The following TNRC6B variants were observed in gnomAD, a reference collection of about 807,000 sequenced individuals.
TNRC6B encodes the protein trinucleotide repeat containing adaptor 6B.
A neutral mutation model predicts 203.6 loss-of-function variants in TNRC6B; 52 were observed. That is an observed-to-expected ratio of 0.26 (90% CI 0.20 to 0.32). TNRC6B has a LOEUF of 0.32. Ranked by LOEUF, TNRC6B falls within the 10% of genes least tolerant of loss-of-function variation. The probability of loss-of-function intolerance (pLI) is 1.00; values close to 1 mark genes in which losing one functional copy is unlikely to be tolerated. For missense variants in TNRC6B, 1,923 were observed against 2,286.2 expected (o/e 0.84, Z 3.24); for synonymous variants, 838 against 845.7 (o/e 0.99, Z 0.16).
chr22:40,269,625 G>A (rs1228641354), intron 5 of TNRC6B, among the ~76,000 whole-genome samples: 1 of 152,068 alleles, frequency 6.6e-6, no homozygotes, highest in Non-Finnish European at 1.5e-5. Context: ...GCTCATGCCT[G>A]TAATCCCAGC....
At chr22:40,313,841 A>G (rs1418670627) in intron 19 of TNRC6B, among the ~76,000 whole-genome samples, 1 of 152,144 alleles carries the variant, frequency 6.6e-6, no homozygotes, top group Non-Finnish European at 1.5e-5. Context: ...GTTAATTTTT[A>G]TTTTACCTTC....
At chr22:40,288,550 T>A (rs956287660) in intron 12 of TNRC6B, among the ~76,000 whole-genome samples, 1 of 151,832 alleles carries the variant, frequency 6.6e-6, no homozygotes, top group Non-Finnish European at 1.5e-5. Context: ...ACAAATTTTT[T>A]TTTTTTTTTT....
intron 1 of TNRC6B, among the ~76,000 whole-genome samples, chr22:40,054,276 C>T (rs2067774641): frequency 6.6e-6 from 1 of 152,170 alleles, no homozygotes; most frequent in Non-Finnish European, 1.5e-5. Context: ...CTTGTTCTTG[C>T]CTTTTTCACT....
intron 1 of TNRC6B, among the ~76,000 whole-genome samples, chr22:40,229,111 G>T (rs964664642): frequency 6.6e-6 from 1 of 152,182 alleles, no homozygotes; most frequent in Non-Finnish European, 1.5e-5. Context: ...AGGTATTACT[G>T]ATCGAAGGAA....
chr22:40,293,421 G>C (rs951056794), intron 12 of TNRC6B, among the ~76,000 whole-genome samples: 2 of 151,866 alleles, frequency 1.3e-5, no homozygotes, highest in Admixed American at 6.6e-5. Flanking sequence ...TCGAACTCCT[G>C]GCCTCACGTG....
chr22:40,125,740 C>A (rs1195192124), intron 2 of TNRC6B: 1 of 1,535,416 alleles, frequency 6.5e-7, no homozygotes, highest in East Asian at 2.3e-5. Context: ...CCCTGAATTC[C>A]TTACATACTT....
At chr22:40,273,628 G>C (rs1385996795) in intron 7 of TNRC6B, 28 bp downstream of exon 7, 5 of 1,533,244 alleles carry the variant, frequency 3.3e-6, no homozygotes, top group Non-Finnish European at 4.4e-6. Flanking sequence ...GTTCGCACTT[G>C]CTCATTCGCT....
chr22:40,238,776 T>A (rs2069984868), intron 1 of TNRC6B, among the ~76,000 whole-genome samples: 1 of 152,268 alleles, frequency 6.6e-6, no homozygotes, highest in African/African-American at 2.4e-5. Flanking sequence ...TGTTGTTGCC[T>A]GAACTGTGTA....
chr22:40,172,867 T>C (rs2069015631), intron 4 of TNRC6B, among the ~76,000 whole-genome samples: 1 of 152,194 alleles, frequency 6.6e-6, no homozygotes, highest in South Asian at 2.1e-4. Flanking sequence ...GTTCCCCTAA[T>C]TTTTCTTGAG....
At chr22:40,224,767 T>A (rs2069761344) in intron 1 of TNRC6B, among the ~76,000 whole-genome samples, 1 of 152,230 alleles carries the variant, frequency 6.6e-6, no homozygotes, top group South Asian at 2.1e-4. Flanking sequence ...ACTTTATCCA[T>A]CTGGAGTTTA....
intron 3 of TNRC6B, among the ~76,000 whole-genome samples, chr22:40,251,958 T>G (rs2070201780): frequency 6.6e-6 from 1 of 152,210 alleles, no homozygotes; most frequent in Non-Finnish European, 1.5e-5. Context: ...GATAATACAT[T>G]TTGAGTAGCT....
chr22:40,066,498 G>T (rs549847644), intron 1 of TNRC6B, among the ~76,000 whole-genome samples: 1 of 152,238 alleles, frequency 6.6e-6, no homozygotes, highest in African/African-American at 2.4e-5. Context: ...CCAGGAGTAT[G>T]TTTTCAGGTC....
rs1005372731 is a variant in TNRC6B at position 40,300,951 on chromosome 22, G to A, written c.3882G>A (p.Leu1294=). The change falls in exon 14 of 23, where the codon TTG becomes TTA. Residue 1294 remains leucine (L), a synonymous_variant. Coordinates refer to ENST00000454349, the MANE Select transcript of TNRC6B (RefSeq NM_001162501.2). ...TGCAGCAGCAGCAACAGCAGCAGTT[G>A]TTACAGAACCAGAGAAAGATTTCTC... The part of the protein sequence containing the change: ...LLLQQQQQQQ[L]LQNQRKISQA... 6.2e-6 allele frequency: 10 copies of A among 1,613,740 alleles called. No homozygotes were observed. The highest frequency in any genetic ancestry group is 8.5e-6 in the Non-Finnish European group (10 of 1,179,856).
rs552772929 is a variant in TNRC6B, at chr22:40,218,795, C to T, written c.6-27220C>T. Among the ~76,000 whole-genome samples the T allele has an allele frequency of 1.2e-4, 18 of 152,252 alleles. No homozygotes were observed. The South Asian group carries it at 3.1e-3, about 26-fold the overall frequency. On this transcript the variant is annotated intron_variant, in intron 1 of 22. Transcript: ENST00000454349. ...GATTACAGTTGGATTCTGGTAACAG[C>T]GAGTACAAGTCTCTTCAGGGAGACA...
intron 4 of TNRC6B, among the ~76,000 whole-genome samples, chr22:40,164,625 T>G (rs2068901742): frequency 1.3e-5 from 2 of 148,850 alleles, no homozygotes; most frequent in Non-Finnish European, 1.5e-5. Flanking sequence ...AGCCCAGGCA[T>G]GGTGGTGCAT....
intron 1 of TNRC6B, among the ~76,000 whole-genome samples, chr22:40,061,041 C>A (rs28873779): frequency 1.3e-5 from 2 of 152,128 alleles, no homozygotes; most frequent in Non-Finnish European, 2.9e-5. Context: ...TTTTTGCAAG[C>A]CGACTTTTCC....
chr22:40,285,884 G>C, intron 12 of TNRC6B, 114 bp downstream of exon 12: 1 of 1,346,828 alleles, frequency 7.4e-7, no homozygotes, highest in Non-Finnish European at 1.0e-6. Context: ...CATAAAATAT[G>C]AAAAAGCCAT....
chr22:40,146,806 C>T (rs772114379), intron 3 of TNRC6B, among the ~76,000 whole-genome samples: 1 of 151,786 alleles, frequency 6.6e-6, no homozygotes, highest in Non-Finnish European at 1.5e-5. Context: ...CTCACATAAT[C>T]CACCTGCCTT....
chr22:40,072,861 CAAAAAAAAAAA>C lies in TNRC6B; in HGVS notation c.-121+27880_-121+27890del, dbSNP rs767881898. 1.9e-4 allele frequency among the ~76,000 whole-genome samples: 9 copies of C among 46,534 alleles called. No individual in the cohort carries two copies. In the East Asian group the frequency reaches 9.2e-3, roughly 47 times the overall value. The allele number at this position is 46,534 out of a possible 152,430, so 30.5% of individuals were successfully genotyped here. On this transcript the variant is annotated intron_variant, in intron 1 of 23. Coordinates refer to the TNRC6B transcript ENST00000301923. ...CCTGGGCAACAGAGCGAGATTCTCT[CAAAAAAAAAAA>C]AAAAAAAAAAAAAAAAGCTGGCTTC... is the stretch of plus-strand genomic sequence containing the variant.
Sources: gnomAD v4.1 joint callset for allele counts (sites outside exome capture counted in the v4.1 genomes callset) on GRCh38, gnomAD v4.1.1 for gene constraint, MANE v1.5 for transcripts, NCBI Gene and HGNC (gene_info 2026-07-23, HGNC 2026-07-21) for gene names.